The following PGM5 variants were observed in gnomAD, a reference collection of about 807,000 sequenced individuals.
PGM5 encodes the protein phosphoglucomutase-like protein 5.
PGM5 carries 23 observed loss-of-function variants against 59.2 expected under a neutral mutation model. That is an observed-to-expected ratio of 0.39 (90% confidence interval 0.28 to 0.55). The LOEUF is 0.55. PGM5 is among the 20% of genes least tolerant of loss of function. The probability of loss-of-function intolerance (pLI) is 0.66; values close to 1 mark genes in which losing one functional copy is unlikely to be tolerated. For missense variants in PGM5, 574 were observed against 748.3 expected (o/e 0.77, Z 2.72); for synonymous variants, 214 against 286.0 (o/e 0.75, Z 2.54).
chr9:68,466,270 G>GTTTTTTT, intron 7 of PGM5: 3 of 558,468 alleles, frequency 5.4e-6, no homozygotes, highest in Non-Finnish European at 6.9e-6. Flanking sequence ...GATACTGTGT[G>GTTTTTTT]TTTTTTTTTT....
At chr9:68,434,521 T>C (rs1204591527) in intron 6 of PGM5, among the ~76,000 whole-genome samples, 1 of 151,598 alleles carries the variant, frequency 6.6e-6, no homozygotes, top group Admixed American at 6.6e-5. Flanking sequence ...AAAATTGTGA[T>C]CTTGGCTTGG....
intron 6 of PGM5, among the ~76,000 whole-genome samples, chr9:68,423,988 T>A (rs1489111433): frequency 2.0e-5 from 3 of 152,282 alleles, no homozygotes; most frequent in East Asian, 1.9e-4. Context: ...CTGCTGTATC[T>A]CTTGACAAAA....
intron 6 of PGM5, among the ~76,000 whole-genome samples, chr9:68,456,418 C>T (rs113924378): frequency 1.3e-5 from 2 of 151,654 alleles, no homozygotes; most frequent in Non-Finnish European, 2.9e-5. Context: ...TCACACCATT[C>T]TCCTGCTTCA....
At chr9:68,526,035 G>A (rs535064963) in intron 10 of PGM5, among the ~76,000 whole-genome samples, 6 of 150,906 alleles carry the variant, frequency 4.0e-5, no homozygotes, top group South Asian at 4.2e-4. Context: ...CAGCCTGGGC[G>A]ACAGAGTGAG....
At chr9:68,462,592 TG>T (rs1210771973) in intron 6 of PGM5, among the ~76,000 whole-genome samples, 1 of 152,106 alleles carries the variant, frequency 6.6e-6, no homozygotes, top group African/African-American at 2.4e-5. Context: ...TTGGAAAGGG[TG>T]GGAGCTGGGG....
chr9:68,371,027 G>A (rs1227120001), intron 1 of PGM5, among the ~76,000 whole-genome samples: 1 of 151,922 alleles, frequency 6.6e-6, no homozygotes, highest in African/African-American at 2.4e-5. Context: ...CCTGGGATCT[G>A]TATCTGTGTG....
intron 6 of PGM5, among the ~76,000 whole-genome samples, chr9:68,441,826 A>G (rs1409000241): frequency 1.3e-5 from 2 of 151,816 alleles, no homozygotes; most frequent in Non-Finnish European, 2.9e-5. Flanking sequence ...ATTCATAAAT[A>G]ACGTAATTGT....
At chr9:68,425,604 G>C (rs1191924185) in intron 6 of PGM5, among the ~76,000 whole-genome samples, 3 of 152,194 alleles carry the variant, frequency 2.0e-5, no homozygotes, top group Admixed American at 2.0e-4. Flanking sequence ...TTTTGGAGTT[G>C]AGATACCTAC....
At position 68,461,637 on chromosome 9, in the gene PGM5, A is replaced by T. The variant is rs114115930; in HGVS notation, c.1044-3456A>T. Among the ~76,000 whole-genome samples the T allele has an allele frequency of 7.9e-3, 1,207 of 152,310 alleles. 12 individuals carry two copies. The highest frequency in any genetic ancestry group is 0.028 in the African/African-American group (1,168 of 41,572). ...AAAAGCCTTTACACAGCATTTGGCTAGCTTTTCCTGCTGCCTTTGCCATGT... is the reference window on the plus strand; with the variant it reads ...AAAAGCCTTTACACAGCATTTGGCTTGCTTTTCCTGCTGCCTTTGCCATGT... On this transcript the variant is annotated intron_variant, in intron 6 of 10. Coordinates refer to ENST00000396396, the MANE Select transcript of PGM5 (RefSeq NM_021965.4).
At chr9:68,443,587 A>C (rs1289417692) in intron 6 of PGM5, among the ~76,000 whole-genome samples, 1 of 152,230 alleles carries the variant, frequency 6.6e-6, no homozygotes, top group African/African-American at 2.4e-5. Flanking sequence ...TCTCTGGAGC[A>C]ACTACCAATG....
At chr9:68,397,717 G>A (rs879991553) in intron 6 of PGM5, 2 of 152,314 alleles carry the variant, frequency 1.3e-5, no homozygotes, top group East Asian at 1.9e-4. Flanking sequence ...TAGTGGAAAT[G>A]AACTTGGTGC....
At chr9:68,415,845 G>T (rs1823020204) in intron 6 of PGM5, among the ~76,000 whole-genome samples, 2 of 135,392 alleles carry the variant, frequency 1.5e-5, no homozygotes, top group African/African-American at 5.3e-5. Flanking sequence ...ACACACTAAT[G>T]GTATTTTAGC....
At chr9:68,385,662 G>A (rs1822199784) in intron 3 of PGM5, among the ~76,000 whole-genome samples, 1 of 151,924 alleles carries the variant, frequency 6.6e-6, no homozygotes. Flanking sequence ...AAGGCAAGGG[G>A]TACATTATAT....
chr9:68,400,260 A>G (rs2132025154), intron 6 of PGM5, among the ~76,000 whole-genome samples: 1 of 152,240 alleles, frequency 6.6e-6, no homozygotes, highest in East Asian at 1.9e-4. Flanking sequence ...CAACATGCAC[A>G]ATCTCCTGAT....
At chr9:68,380,005 T>C (rs1442960282) in intron 2 of PGM5, among the ~76,000 whole-genome samples, 2 of 151,958 alleles carry the variant, frequency 1.3e-5, no homozygotes, top group Non-Finnish European at 2.9e-5. Context: ...ATAACACTAA[T>C]AGGGGACTTC....
intron 6 of PGM5, among the ~76,000 whole-genome samples, chr9:68,403,203 T>C (rs1252532566): frequency 2.0e-5 from 3 of 152,202 alleles, no homozygotes; most frequent in Non-Finnish European, 4.4e-5. Context: ...TACTGTGAAC[T>C]GTGCATGTGA....
intron 1 of PGM5, among the ~76,000 whole-genome samples, chr9:68,372,298 G>T (rs1212644493): frequency 6.6e-6 from 1 of 150,458 alleles, no homozygotes; most frequent in African/African-American, 2.5e-5. Context: ...CCAGCTTCTG[G>T]CAGCAGAATA....
intron 6 of PGM5, among the ~76,000 whole-genome samples, chr9:68,411,624 A>G (rs1203740704): frequency 6.6e-6 from 1 of 152,032 alleles, no homozygotes; most frequent in African/African-American, 2.4e-5. Flanking sequence ...ATCAATAAAC[A>G]TTTATTGAAA....
At chr9:68,428,908 A>G (rs1376760073) in intron 6 of PGM5, 1 of 152,184 alleles carries the variant, frequency 6.6e-6, no homozygotes, top group Non-Finnish European at 1.5e-5. Context: ...ATAAATGGGG[A>G]GGTGATATCA....
Sources: gnomAD v4.1 joint callset for allele counts (sites outside exome capture counted in the v4.1 genomes callset) on GRCh38, gnomAD v4.1.1 for gene constraint, MANE v1.5 for transcripts, NCBI Gene and HGNC (gene_info 2026-07-23, HGNC 2026-07-21) for gene names.